The following AGBL4 variants were observed in gnomAD, a reference collection of about 807,000 sequenced individuals.
The protein encoded by AGBL4 is AGBL carboxypeptidase 4, also known as cytosolic carboxypeptidase 6.
AGBL4 carries 58 observed loss-of-function variants against 66.4 expected under a neutral mutation model. The observed-to-expected ratio is 0.87, with a 90% confidence interval of 0.71 to 1.09. The LOEUF is 1.09. Ranked by LOEUF, AGBL4 falls within the 50% of genes least tolerant of loss-of-function variation. The pLI, the probability that AGBL4 is intolerant of heterozygous loss-of-function variation, is 0.00. For synonymous variants in AGBL4, 234 were observed against 222.9 expected (o/e 1.05, Z -0.44); for missense variants, 579 against 631.0 (o/e 0.92, Z 0.88).
intron 6 of AGBL4, among the ~76,000 whole-genome samples, chr1:48,695,101 G>A (rs1314870317): frequency 6.6e-6 from 1 of 152,206 alleles, no homozygotes; most frequent in Non-Finnish European, 1.5e-5. Flanking sequence ...GTCACTCAGA[G>A]AATATAGGAC....
chr1:49,497,464 C>T (rs1308828696), intron 3 of AGBL4, among the ~76,000 whole-genome samples: 3 of 151,920 alleles, frequency 2.0e-5, no homozygotes, highest in Admixed American at 6.6e-5. Flanking sequence ...GTCATAAAAC[C>T]AGTGTCATGA....
intron 6 of AGBL4, among the ~76,000 whole-genome samples, chr1:48,748,244 C>T (rs1651075209): frequency 6.6e-6 from 1 of 152,214 alleles, no homozygotes; most frequent in African/African-American, 2.4e-5. Flanking sequence ...TGGACCTTCT[C>T]AGACCCTCTC....
At chr1:49,379,811 G>C (rs573207552) in intron 3 of AGBL4, among the ~76,000 whole-genome samples, 1 of 152,140 alleles carries the variant, frequency 6.6e-6, no homozygotes, top group South Asian at 2.1e-4. Flanking sequence ...TTGCATCAAT[G>C]TTCATCAAGG....
chr1:49,153,300 AG>A (rs1401561676), intron 4 of AGBL4, among the ~76,000 whole-genome samples: 3 of 152,080 alleles, frequency 2.0e-5, no homozygotes, highest in Admixed American at 2.0e-4. Context: ...GGAGAGGTGA[AG>A]GTAAGGTTCT....
At chr1:48,657,891 C>T (rs1646045842) in intron 7 of AGBL4, among the ~76,000 whole-genome samples, 1 of 152,168 alleles carries the variant, frequency 6.6e-6, no homozygotes, top group African/African-American at 2.4e-5. Context: ...CTTAAACTTA[C>T]ATTGTGGTTT....
chr1:48,596,398 G>A (rs1644994843), intron 9 of AGBL4, among the ~76,000 whole-genome samples: 1 of 151,834 alleles, frequency 6.6e-6, no homozygotes, highest in African/African-American at 2.4e-5. Flanking sequence ...TTTTCCCCTG[G>A]GACTGAGACA....
intron 4 of AGBL4, among the ~76,000 whole-genome samples, chr1:49,102,066 C>T (rs939634693): frequency 4.6e-5 from 7 of 152,014 alleles, no homozygotes; most frequent in African/African-American, 1.7e-4. Flanking sequence ...AAGGGAGACA[C>T]AGCACCAGCA....
chr1:49,606,707 C>A (rs942209935), intron 3 of AGBL4, among the ~76,000 whole-genome samples: 1 of 152,052 alleles, frequency 6.6e-6, no homozygotes, highest in African/African-American at 2.4e-5. Flanking sequence ...AAACAAAGAT[C>A]AGAAAGGTGA....
chr1:49,270,903 T>C (rs1005057918), intron 3 of AGBL4, among the ~76,000 whole-genome samples: 52 of 152,314 alleles, frequency 3.4e-4, no homozygotes, highest in African/African-American at 1.2e-3. Flanking sequence ...AATAGTGCCA[T>C]GATTAGTCTT....
chr1:49,471,409 T>C (rs1646741555), intron 3 of AGBL4, among the ~76,000 whole-genome samples: 1 of 152,118 alleles, frequency 6.6e-6, no homozygotes, highest in Non-Finnish European at 1.5e-5. Flanking sequence ...AGCCTGCTTC[T>C]AGGAAGATGG....
intron 4 of AGBL4, among the ~76,000 whole-genome samples, chr1:49,145,425 G>T (rs1164377968): frequency 1.3e-5 from 2 of 152,176 alleles, no homozygotes; most frequent in Non-Finnish European, 2.9e-5. Context: ...GGAATGCTAT[G>T]TGCTTTAATA....
chr1:49,879,025 C>T (rs1228595030), intron 1 of AGBL4, among the ~76,000 whole-genome samples: 15 of 104,192 alleles, frequency 1.4e-4, no homozygotes, highest in African/African-American at 5.9e-4. Flanking sequence ...AGATCTTCCT[C>T]CATCCTTTTA....
At chr1:49,914,568 C>T (rs1487275357) in intron 1 of AGBL4, among the ~76,000 whole-genome samples, 1 of 152,186 alleles carries the variant, frequency 6.6e-6, no homozygotes, top group East Asian at 1.9e-4. Context: ...ACCCTTACTG[C>T]TTCTTTTATG....
intron 3 of AGBL4, among the ~76,000 whole-genome samples, chr1:49,549,093 C>T (rs897520699): frequency 6.6e-6 from 1 of 151,586 alleles, no homozygotes; most frequent in Admixed American, 6.6e-5. Context: ...TTTATATTCA[C>T]AGTAGCCTTG....
At chr1:49,455,288 C>T (rs907798320) in intron 3 of AGBL4, among the ~76,000 whole-genome samples, 1 of 151,644 alleles carries the variant, frequency 6.6e-6, no homozygotes, top group African/African-American at 2.4e-5. Flanking sequence ...TTTCTGTGAC[C>T]TTGAGAAAAT....
At chr1:49,576,613 C>G (rs190097864) in intron 3 of AGBL4, among the ~76,000 whole-genome samples, 1 of 152,296 alleles carries the variant, frequency 6.6e-6, no homozygotes, top group Admixed American at 6.5e-5. Context: ...TCTGACTCAT[C>G]TAGCCATAAA....
chr1:49,755,230 T>C (rs1037090159), intron 2 of AGBL4, among the ~76,000 whole-genome samples: 1 of 152,200 alleles, frequency 6.6e-6, no homozygotes, highest in African/African-American at 2.4e-5. Context: ...TAGTCTGTTT[T>C]TCATTTTTTA....
At chr1:48,760,734 CT>C (rs1644213697) in intron 6 of AGBL4, among the ~76,000 whole-genome samples, 1 of 152,186 alleles carries the variant, frequency 6.6e-6, no homozygotes, top group Admixed American at 6.5e-5. Context: ...ATCCCACTTC[CT>C]TATCGTCCTT....
intron 3 of AGBL4, among the ~76,000 whole-genome samples, chr1:49,365,783 G>C (rs1644230803): frequency 6.6e-6 from 1 of 152,046 alleles, no homozygotes; most frequent in African/African-American, 2.4e-5. Context: ...CCAGCACAGA[G>C]AGGGTGCAAG....
Sources: allele counts gnomAD v4.1 joint callset (sites outside exome capture counted in the v4.1 genomes callset), GRCh38; gene constraint gnomAD v4.1.1; transcripts MANE v1.5; gene names NCBI Gene and HGNC (gene_info 2026-07-23, HGNC 2026-07-21).